The following SLK variants were observed in gnomAD, a reference collection of about 807,000 sequenced individuals.
SLK encodes STE20 like kinase.
A neutral mutation model predicts 147.7 loss-of-function variants in SLK; 67 were observed. The observed-to-expected ratio is 0.45, with a 90% CI of 0.37 to 0.56. The LOEUF is 0.56. SLK is among the 20% of genes least tolerant of loss of function. The probability of loss-of-function intolerance (pLI) is 0.00; values close to 1 mark genes in which losing one functional copy is unlikely to be tolerated. For synonymous variants in SLK, 441 were observed against 475.0 expected (o/e 0.93, Z 0.93); for missense variants, 1,136 against 1,438.8 (o/e 0.79, Z 3.41).
At chr10:103,983,036 TAATC>T (rs1488851276) in intron 1 of SLK, among the ~76,000 whole-genome samples, 1 of 145,620 alleles carries the variant, frequency 6.9e-6, no homozygotes, top group African/African-American at 2.6e-5. Context: ...AAGAATATAA[TAATC>T]TATGTGAGGG....
chr10:104,009,057 A>G (rs1000193985), intron 12 of SLK, among the ~76,000 whole-genome samples: 6 of 151,698 alleles, frequency 4.0e-5, no homozygotes, highest in African/African-American at 1.5e-4. Context: ...AGTATAAAAG[A>G]TTGTCATTGC....
intron 1 of SLK, among the ~76,000 whole-genome samples, chr10:103,976,509 G>A (rs1008279915): frequency 6.6e-6 from 1 of 151,862 alleles, no homozygotes. Context: ...GACTAATGAA[G>A]TTGAGTGCCT....
chr10:104,006,154 T>A, intron 11 of SLK, 119 bp downstream of exon 11: 1 of 1,026,424 alleles, frequency 9.7e-7, no homozygotes, highest in Non-Finnish European at 1.4e-6. Flanking sequence ...CAGATTTCTC[T>A]AGCTTTGTGA....
rs1479953187 is a variant in SLK, at chr10:104,028,890, CT to C, written c.*3174del. The C allele has an allele frequency of 6.6e-6, 1 of 152,160 alleles. No individual in the cohort carries two copies. Among genetic ancestry groups the C allele is most frequent in the Non-Finnish European group, 1.5e-5 (1 of 68,036 alleles). 9.4% of individuals were successfully genotyped at this position (152,160 alleles called of 1,614,324 possible). A position where few individuals can be genotyped will look rare whatever the true frequency, so the allele number is the denominator to read the frequency against. ...TCTAATAGTCTTTTGATTAACAATTCTTTTCTGAGAAATGATTTTTATAAGA... is the reference window on the plus strand; with the variant it reads ...TCTAATAGTCTTTTGATTAACAATTCTTTCTGAGAAATGATTTTTATAAGA... On this transcript the variant is annotated 3_prime_UTR_variant, in exon 19 of 19. Transcript: ENST00000369755.
chr10:104,023,927 G>C (rs1352732943), intron 18 of SLK, among the ~76,000 whole-genome samples: 1 of 152,178 alleles, frequency 6.6e-6, no homozygotes, highest in African/African-American at 2.4e-5. Flanking sequence ...AAACTCAGTA[G>C]AGAGAAAACC....
At position 104,028,145 on chromosome 10, in the gene SLK, G is replaced by C. The variant is rs1422561318; in HGVS notation, c.*2425G>C. 1 of 150,940 alleles carries C rather than the reference G, an allele frequency of 6.6e-6. No homozygotes were observed. The highest frequency in any genetic ancestry group is 1.5e-5 in the Non-Finnish European group (1 of 67,604). 9.4% of individuals were successfully genotyped at this position (150,940 alleles called of 1,614,324 possible). Reference sequence around the variant, plus strand: ...TTCCTGCATGAAGTGTAGGTGGCGAGTGGGCGAGGGGCGCAGACTTCTTTG... The same window carrying C: ...TTCCTGCATGAAGTGTAGGTGGCGACTGGGCGAGGGGCGCAGACTTCTTTG... On this transcript the variant is annotated 3_prime_UTR_variant, in exon 19 of 19. Coordinates refer to ENST00000369755, the MANE Select transcript of SLK (RefSeq NM_014720.4).
In SLK at chr10:104,002,945, G is replaced by A. The variant is rs772788180; in HGVS notation, c.1767G>A (p.Met589Ile). Reference sequence around the variant, plus strand: ...GCCAGAAATTAATTAATAAGCCCATGGTGGGTCCTGAGGCTGGTGGTACTA... The same window carrying A: ...GCCAGAAATTAATTAATAAGCCCATAGTGGGTCCTGAGGCTGGTGGTACTA... ...EVGQKLINKP[M>I]VGPEAGGTKE... Residue 589 changes from methionine (M) to isoleucine (I), a missense_variant, in exon 9 of 19, where the codon ATG becomes ATA. Met to Ile is a conservative substitution (Grantham distance 10, BLOSUM62 1). This residue lies in a region of SLK where 516 missense variants were observed against 531.3 expected (regional missense o/e 0.97). Transcript: ENST00000369755. The A allele has an allele frequency of 6.2e-7, 1 of 1,614,034 alleles. No homozygotes were observed. The highest frequency in any genetic ancestry group is 8.5e-7 in the Non-Finnish European group (1 of 1,179,958).
intron 4 of SLK, among the ~76,000 whole-genome samples, chr10:103,997,741 A>G (rs1235029207): frequency 7.2e-5 from 11 of 152,058 alleles, no homozygotes; most frequent in Non-Finnish European, 4.4e-5. Context: ...GTCGCCTTTC[A>G]GAATTTTTCT....
At chr10:104,024,733 T>C (rs573138540) in intron 18 of SLK, among the ~76,000 whole-genome samples, 25 of 152,312 alleles carry the variant, frequency 1.6e-4, no homozygotes, top group African/African-American at 4.6e-4. Context: ...CACAAAGTCA[T>C]TGATACCTGT....
intron 1 of SLK, among the ~76,000 whole-genome samples, chr10:103,968,709 G>A (rs1026263785): frequency 6.6e-6 from 1 of 152,198 alleles, no homozygotes. Flanking sequence ...GGGTTGCCTA[G>A]AAGTGAAAAC....
At chr10:103,998,116 T>C (rs1328553751) in intron 4 of SLK, among the ~76,000 whole-genome samples, 2 of 152,184 alleles carry the variant, frequency 1.3e-5, no homozygotes, top group Non-Finnish European at 2.9e-5. Flanking sequence ...GCATGACCTT[T>C]AAGAGTTCTA....
intron 1 of SLK, among the ~76,000 whole-genome samples, chr10:103,971,438 C>G (rs1348700455): frequency 6.6e-6 from 1 of 152,106 alleles, no homozygotes; most frequent in Non-Finnish European, 1.5e-5. Flanking sequence ...CCGTGCCGGG[C>G]TAATTTTTTG....
chr10:103,975,380 T>C (rs1843856939), intron 1 of SLK, among the ~76,000 whole-genome samples: 1 of 152,160 alleles, frequency 6.6e-6, no homozygotes, highest in African/African-American at 2.4e-5. Context: ...GCCAGAGACC[T>C]AGAGGTCATT....
At chr10:104,000,363 A>G (rs1844229426) in intron 7 of SLK, among the ~76,000 whole-genome samples, 1 of 152,226 alleles carries the variant, frequency 6.6e-6, no homozygotes, top group African/African-American at 2.4e-5. Context: ...TACTTGTAAT[A>G]TATTAATTAA....
At chr10:104,016,544 G>C (rs1477010730) in intron 13 of SLK, among the ~76,000 whole-genome samples, 1 of 152,034 alleles carries the variant, frequency 6.6e-6, no homozygotes, top group Non-Finnish European at 1.5e-5. Context: ...TAATGATAAA[G>C]TTTTACAGGT....
At position 103,979,939 on chromosome 10, in the gene SLK, G is replaced by A. The variant is rs531113909; in HGVS notation, c.151-10736G>A. ...AAGAAATTCTTTCCTAACCAAGATG[G>A]TGAAGATATCCTGCTGTGTTATCTT... On this transcript the variant is annotated intron_variant, in intron 1 of 18. Transcript: ENST00000369755. Among the ~76,000 whole-genome samples the A allele has an allele frequency of 5.9e-5, 9 of 152,234 alleles. No individual in the cohort carries two copies. The South Asian group carries it at 1.9e-3, about 32-fold the overall frequency.
At chr10:104,012,267 C>A (rs1430957662) in intron 13 of SLK, among the ~76,000 whole-genome samples, 1 of 152,008 alleles carries the variant, frequency 6.6e-6, no homozygotes, top group Admixed American at 6.5e-5. Context: ...TTGTCACCAT[C>A]ATTTCAAAGG....
Position 103,967,902 on chromosome 10 carries a change from G to C in SLK, c.150+7G>C, listed in dbSNP as rs1376202300. 2.5e-6 allele frequency: 4 copies of C among 1,612,014 alleles called. No individual in the cohort carries two copies. Among genetic ancestry groups the C allele is most frequent in the South Asian group, 1.1e-5 (1 of 90,926 alleles). On this transcript the variant is annotated splice_region_variant and intron_variant, in intron 1 of 18. Coordinates refer to ENST00000369755, the MANE Select transcript of SLK (RefSeq NM_014720.4). ...CTTTGGGAAAGTGTACAAGGTAAGA[G>C]GGGGAAAACGGGAAGTTGTACTGCG...
At chr10:103,978,544 C>T (rs1843899542) in intron 1 of SLK, among the ~76,000 whole-genome samples, 1 of 152,040 alleles carries the variant, frequency 6.6e-6, no homozygotes, top group South Asian at 2.1e-4. Flanking sequence ...CTAATCGATT[C>T]AGTGAATATA....
Sources: gnomAD v4.1 joint callset for allele counts (sites outside exome capture counted in the v4.1 genomes callset) on GRCh38, gnomAD v4.1.1 for gene constraint, gnomAD v4.1.1 regional missense constraint, MANE v1.5 for transcripts, NCBI Gene and HGNC (gene_info 2026-07-23, HGNC 2026-07-21) for gene names.